The following PKD2 variants were observed in gnomAD, a reference collection of about 807,000 sequenced individuals.
PKD2 encodes the protein polycystin-2.
PKD2 carries 48 observed loss-of-function variants against 105.9 expected under a neutral mutation model. The observed-to-expected ratio is 0.45, with a 90% CI of 0.36 to 0.58. The LOEUF (loss-of-function observed/expected upper bound fraction) is 0.58. Ranked by LOEUF, PKD2 falls within the 20% of genes least tolerant of loss-of-function variation. The probability of loss-of-function intolerance (pLI) is 0.00; values close to 1 mark genes in which losing one functional copy is unlikely to be tolerated. For missense variants in PKD2, 1,078 were observed against 1,255.3 expected (o/e 0.86, Z 2.13); for synonymous variants, 464 against 481.1 (o/e 0.96, Z 0.46).
At chr4:88,060,133 T>C (rs1720516261) in intron 9 of PKD2, among the ~76,000 whole-genome samples, 1 of 152,228 alleles carries the variant, frequency 6.6e-6, no homozygotes, top group Non-Finnish European at 1.5e-5. Flanking sequence ...GGTCCCAGAC[T>C]TTGATCTGTT....
chr4:88,022,338 A>T (rs761578451), intron 2 of PKD2, among the ~76,000 whole-genome samples: 1 of 152,202 alleles, frequency 6.6e-6, no homozygotes, highest in Admixed American at 6.5e-5. Context: ...ATCCTTGTAA[A>T]TTATTAAACT....
chr4:88,027,585 G>T (rs1051407851), intron 2 of PKD2, among the ~76,000 whole-genome samples: 6 of 152,180 alleles, frequency 3.9e-5, no homozygotes, highest in Non-Finnish European at 8.8e-5. Flanking sequence ...AGACATTGGG[G>T]TTCTGTTGGG....
rs374751939 is a variant in PKD2 at position 88,038,315 on chromosome 4, C to G, written c.908C>G (p.Ala303Gly). The G allele has an allele frequency of 2.8e-5, 45 of 1,613,648 alleles. No homozygotes were observed. Among genetic ancestry groups the G allele is most frequent in the Non-Finnish European group, 3.1e-5 (37 of 1,179,670 alleles). The change falls in exon 4 of 15, where the codon GCT (alanine) becomes GGT (glycine). Residue 303 changes from alanine (A) to glycine (G), a missense_variant. Transcript: ENST00000237596. Reference sequence around the variant, plus strand: ...ATGCAGCCCAGCAACCAGACTGAAGCTGACAACCGAAGTTTCATCTTCTAT... The same window carrying G: ...ATGCAGCCCAGCAACCAGACTGAAGGTGACAACCGAAGTTTCATCTTCTAT... ...WKMQPSNQTE[A>G]DNRSFIFYEN...
chr4:88,023,300 G>A (rs1289710338), intron 2 of PKD2, among the ~76,000 whole-genome samples: 4 of 152,078 alleles, frequency 2.6e-5, no homozygotes, highest in Non-Finnish European at 5.9e-5. Flanking sequence ...AAGAGAGAGA[G>A]AATGGGGCAG....
intron 2 of PKD2, among the ~76,000 whole-genome samples, chr4:88,032,341 T>C (rs1727190370): frequency 6.6e-6 from 1 of 152,212 alleles, no homozygotes; most frequent in Admixed American, 6.5e-5. Flanking sequence ...TGATAGACCA[T>C]GTTTTTAAGG....
chr4:88,018,660 C>T (rs1034934764), intron 1 of PKD2, among the ~76,000 whole-genome samples: 2 of 152,200 alleles, frequency 1.3e-5, no homozygotes, highest in Non-Finnish European at 2.9e-5. Context: ...TCCAAAACTG[C>T]GGTCACTCTC....
chr4:88,024,571 T>A (rs1329215841), intron 2 of PKD2, among the ~76,000 whole-genome samples: 1 of 151,800 alleles, frequency 6.6e-6, no homozygotes, highest in Non-Finnish European at 1.5e-5. Flanking sequence ...AATGTATTTG[T>A]CATTTCCTTT....
At chr4:88,040,164 A>G (rs1169429156) in intron 4 of PKD2, among the ~76,000 whole-genome samples, 2 of 152,182 alleles carry the variant, frequency 1.3e-5, no homozygotes, top group Non-Finnish European at 2.9e-5. Context: ...AAAGTGTCAC[A>G]GCTAACAAAT....
chr4:88,008,069 G>A lies in PKD2; in HGVS notation c.336G>A (p.Val112=). ...AAGGGGAAGAAGGCGGAATGGTGGT[G>A]GAGATGGACGTAGAGTGGCGCCCGG... is the stretch of plus-strand genomic sequence containing the variant. ...EVEGEEGGMV[V]EMDVEWRPGS... Residue 112 remains valine (V), a synonymous_variant, in exon 1 of 15, where the codon GTG becomes GTA. Transcript: ENST00000237596. 1 of 1,522,294 alleles carries A rather than the reference G, an allele frequency of 6.6e-7. No individual in the cohort carries two copies. The highest frequency in any genetic ancestry group is 8.8e-7 in the Non-Finnish European group (1 of 1,140,092). The allele number at this position is 1,522,294 out of a possible 1,614,324, so 94.3% of individuals were successfully genotyped here. A position where few individuals can be genotyped will look rare whatever the true frequency, so the allele number is the denominator to read the frequency against.
At chr4:88,039,815 C>T (rs1727489530) in intron 4 of PKD2, among the ~76,000 whole-genome samples, 1 of 152,064 alleles carries the variant, frequency 6.6e-6, no homozygotes, top group Admixed American at 6.6e-5. Context: ...TGATGTTGCC[C>T]AGGCTGGCCT....
chr4:88,073,284 G>C (rs1258837486), intron 13 of PKD2, among the ~76,000 whole-genome samples: 1 of 151,942 alleles, frequency 6.6e-6, no homozygotes, highest in African/African-American at 2.4e-5. Flanking sequence ...ACTTTGGAAG[G>C]CCAAGGCAGG....
At chr4:88,013,833 A>C (rs1323888858) in intron 1 of PKD2, among the ~76,000 whole-genome samples, 1 of 152,118 alleles carries the variant, frequency 6.6e-6, no homozygotes, top group Non-Finnish European at 1.5e-5. Flanking sequence ...AAATAATAGG[A>C]ACAAGACCTG....
chr4:88,070,574 T>A (rs866525194), intron 13 of PKD2, among the ~76,000 whole-genome samples: 213 of 113,918 alleles, frequency 1.9e-3, no homozygotes, highest in South Asian at 2.7e-3. Flanking sequence ...TTTATTTATT[T>A]TATATATATA....
chr4:88,009,205 C>G (rs1398208903), intron 1 of PKD2, among the ~76,000 whole-genome samples: 1 of 152,174 alleles, frequency 6.6e-6, no homozygotes, highest in South Asian at 2.1e-4. Flanking sequence ...AGAGGAAATT[C>G]TCTTTTTACA....
chr4:88,027,262 A>G (rs531096430), intron 2 of PKD2, among the ~76,000 whole-genome samples: 316 of 152,350 alleles, frequency 2.1e-3, no homozygotes, highest in African/African-American at 7.2e-3. Context: ...AGAGCCACAG[A>G]GGTGGAGCTG....
intron 3 of PKD2, among the ~76,000 whole-genome samples, chr4:88,036,713 T>A (rs1016959533): frequency 1.3e-5 from 2 of 152,204 alleles, no homozygotes; most frequent in African/African-American, 4.8e-5. Flanking sequence ...AAAAATTGAT[T>A]TTTTTCTAGC....
chr4:88,060,683 G>A (rs575160708), intron 9 of PKD2, among the ~76,000 whole-genome samples: 9 of 152,192 alleles, frequency 5.9e-5, no homozygotes, highest in African/African-American at 2.2e-4. Flanking sequence ...TGGTGGGGGG[G>A]AACCTGATCT....
intron 2 of PKD2, among the ~76,000 whole-genome samples, chr4:88,025,723 C>A (rs987015125): frequency 6.6e-6 from 1 of 151,956 alleles, no homozygotes; most frequent in African/African-American, 2.4e-5. Flanking sequence ...AATTGTAATC[C>A]CCGTGTATTG....
At chr4:88,069,324 A>G (rs554034798) in intron 13 of PKD2, among the ~76,000 whole-genome samples, 3 of 151,790 alleles carry the variant, frequency 2.0e-5, no homozygotes, top group African/African-American at 7.3e-5. Flanking sequence ...TCTGTCTGCT[A>G]TTTTATTTTT....
Sources: allele counts gnomAD v4.1 joint callset (sites outside exome capture counted in the v4.1 genomes callset), GRCh38; gene constraint gnomAD v4.1.1; transcripts MANE v1.5; gene names NCBI Gene and HGNC (gene_info 2026-07-23, HGNC 2026-07-21).